Variants in MOK observed in about 807,000 individuals in gnomAD.
MOK encodes the protein MOK protein kinase, also known as MAPK/MAK/MRK overlapping kinase.
MOK carries 59 observed loss-of-function variants against 54.2 expected under a neutral mutation model. The ratio of observed to expected loss-of-function variants is 1.09; its 90% confidence interval spans 0.88 to 1.35. The LOEUF (loss-of-function observed/expected upper bound fraction) is 1.35. Ranked by LOEUF, MOK falls within the 40% of genes most tolerant of loss-of-function variation. MOK has a pLI of 0.00. For missense variants in MOK, 517 were observed against 526.2 expected, an observed-to-expected ratio of 0.98 and a Z score of 0.17; for synonymous variants, 210 against 202.7, an observed-to-expected ratio of 1.04 and a Z score of -0.31.
intron 1 of MOK, among the ~76,000 whole-genome samples, chr14:102,299,345 C>T (rs1436038127): frequency 2.0e-5 from 3 of 152,096 alleles, no homozygotes; most frequent in African/African-American, 7.2e-5. Flanking sequence ...GAAACCCCAT[C>T]TTTACTAAAA....
At chr14:102,258,565 C>A (rs2067151706) in intron 4 of MOK, among the ~76,000 whole-genome samples, 1 of 152,198 alleles carries the variant, frequency 6.6e-6, no homozygotes, top group African/African-American at 2.4e-5. Flanking sequence ...CATGTCCCTG[C>A]CTCTGGAATA....
chr14:102,226,124 C>T (rs2064229829), downstream of MOK: 4 of 586,548 alleles, frequency 6.8e-6, no homozygotes, highest in South Asian at 2.0e-5. The surrounding 1 kb of genome is among the most constrained non-coding windows in gnomAD (Gnocchi z 4.8). Context: ...AAGACGTGCA[C>T]GTCTGAGTGC....
At chr14:102,229,741 C>T in intron 10 of MOK, 84 bp from the exon 11 acceptor site, 1 of 1,187,784 alleles carries the variant, frequency 8.4e-7, no homozygotes, top group Non-Finnish European at 1.2e-6. Context: ...CTCTTTTGTA[C>T]TGCTTTTGCC....
At position 102,250,814 on chromosome 14, in the gene MOK, G is replaced by A. The variant is rs1453314320; in HGVS notation, c.588C>T (p.Ala196=). The change falls in exon 7 of 12, where the codon GCC becomes GCT. Residue 196 remains alanine, a splice_region_variant and synonymous_variant. Coordinates refer to ENST00000361847, the MANE Select transcript of MOK (RefSeq NM_014226.3). ...WSAGCVFYEI[A]SLQPLFPGVN... Reference sequence around the variant, plus strand: ...GCAGGAGCCTGGCCTGGTGCTACCTGGCGATCTCGTAGAACACACAGCCGG... The same window carrying A: ...GCAGGAGCCTGGCCTGGTGCTACCTAGCGATCTCGTAGAACACACAGCCGG... 3 of 1,613,050 alleles carry A rather than the reference G, an allele frequency of 1.9e-6. No individual in the cohort carries two copies. The Admixed American group carries it at 5.0e-5, about 27-fold the overall frequency.
At chr14:102,215,942 A>G in the MOK span, among the ~76,000 whole-genome samples, 2 of 152,162 alleles carry the variant, frequency 1.3e-5, no homozygotes, top group Non-Finnish European at 2.9e-5. Flanking sequence ...GTGATGAGTG[A>G]GGGCGAGCTG....
intron 7 of MOK, among the ~76,000 whole-genome samples, chr14:102,248,772 C>T (rs868505263): frequency 1.6e-4 from 21 of 132,702 alleles, no homozygotes; most frequent in Middle Eastern, 8.7e-3. Context: ...AGCAAGACTC[C>T]GTCTCAAAAA....
At chr14:102,223,117 A>C, downstream of MOK, 1 of 419,068 alleles carries the variant, frequency 2.4e-6, no homozygotes, top group Non-Finnish European at 4.2e-6. Flanking sequence ...AAAATAAGAA[A>C]TGGAGTTTTC....
chr14:102,248,052 G>A (rs767068600), intron 7 of MOK, among the ~76,000 whole-genome samples: 8 of 152,224 alleles, frequency 5.3e-5, no homozygotes, highest in Non-Finnish European at 1.2e-4. Context: ...AAGAACGGCA[G>A]TCCCTACTGT....
chr14:102,227,722 C>T (rs1390977751), downstream of MOK, among the ~76,000 whole-genome samples: 1 of 152,138 alleles, frequency 6.6e-6, no homozygotes, highest in Non-Finnish European at 1.5e-5. Context: ...CCTGTGCCCA[C>T]GGACTCGCTG....
At chr14:102,229,402 G>C in intron 11 of MOK, 36 bp from the exon 12 acceptor site, 1 of 1,614,080 alleles carries the variant, frequency 6.2e-7, no homozygotes. Flanking sequence ...AAATTCAGTG[G>C]CGGCCTGGGC....
chr14:102,221,344 T>C (rs2063870544), downstream of MOK, among the ~76,000 whole-genome samples: 2 of 152,208 alleles, frequency 1.3e-5, no homozygotes, highest in South Asian at 4.1e-4. The surrounding 1 kb of genome is among the most constrained non-coding windows in gnomAD (Gnocchi z 4.8). Context: ...GGACACCACA[T>C]AGCTTGTGGA....
In MOK at chr14:102,292,850, G is replaced by C. The variant is rs144757179; in HGVS notation, c.8-9258C>G. Among the ~76,000 whole-genome samples, 9 of 152,098 alleles carry C rather than the reference G, an allele frequency of 5.9e-5. No individual in the cohort carries two copies. The East Asian group carries it at 1.2e-3, about 20-fold the overall frequency. ...GAATCTGTACATTAACAGCCACATT[G>C]AGGCTGGGTGTGGTAGCTCATGCCT... On this transcript the variant is annotated intron_variant, in intron 1 of 11. Transcript: ENST00000361847.
chr14:102,277,213 CAGCTT>C (rs905175039), intron 2 of MOK: 10 of 152,000 alleles, frequency 6.6e-5, no homozygotes, highest in Admixed American at 5.9e-4. Context: ...ATTTCATAAG[CAGCTT>C]TATTCATGGT....
intron 2 of MOK, among the ~76,000 whole-genome samples, chr14:102,273,585 C>T (rs538467044): frequency 8.7e-4 from 133 of 152,194 alleles, no homozygotes; most frequent in Middle Eastern, 3.4e-3. Flanking sequence ...CGAGACCAGC[C>T]TGGCCAACAT....
the MOK span, among the ~76,000 whole-genome samples, chr14:102,217,899 C>T: frequency 6.6e-6 from 1 of 152,258 alleles, no homozygotes; most frequent in Non-Finnish European, 1.5e-5. Context: ...CTCGTGTTCT[C>T]CCCAGGGTGA....
the MOK span, chr14:102,214,789 T>C: frequency 1.0e-6 from 1 of 978,958 alleles, no homozygotes; most frequent in Non-Finnish European, 1.2e-6. Flanking sequence ...GTAAATTAAA[T>C]TCTTTACTGT....
downstream of MOK, among the ~76,000 whole-genome samples, chr14:102,222,096 C>G (rs919731083): frequency 9.9e-5 from 15 of 151,800 alleles, no homozygotes; most frequent in Admixed American, 9.8e-4. This position sits in a 1 kb window ranked among gnomAD's most constrained non-coding sequence, Gnocchi z 4.4. Flanking sequence ...CCGCCCCCGC[C>G]CCCGACAGTG....
At chr14:102,300,135 C>G (rs959022066) in intron 1 of MOK, among the ~76,000 whole-genome samples, 8 of 151,884 alleles carry the variant, frequency 5.3e-5, no homozygotes, top group African/African-American at 1.7e-4. Context: ...ACCAGCCTGG[C>G]CAGCATGGTG....
intron 1 of MOK, among the ~76,000 whole-genome samples, chr14:102,295,501 TC>T: frequency 1.3e-5 from 2 of 152,338 alleles, no homozygotes; most frequent in South Asian, 4.1e-4. Context: ...CTATGGGGCT[TC>T]ACCAGTAGAG....
Sources: allele counts gnomAD v4.1 joint callset (sites outside exome capture counted in the v4.1 genomes callset), GRCh38; gene constraint gnomAD v4.1.1; non-coding constraint Gnocchi (gnomAD v3.1); transcripts MANE v1.5; gene names NCBI Gene and HGNC (gene_info 2026-07-23, HGNC 2026-07-21).